MIR2052HG: variants seen among roughly 807,000 people sequenced by gnomAD.
MIR2052HG encodes the protein MIR2052 host gene.
intron 4 of MIR2052HG, among the ~76,000 whole-genome samples, chr8:74,715,211 A>G (rs946364168): frequency 6.6e-6 from 1 of 152,212 alleles, no homozygotes; most frequent in African/African-American, 2.4e-5. Context: ...AAAACTGATA[A>G]CTAAAAGTTA....
At chr8:74,699,940 A>G (rs1809341547) in intron 2 of MIR2052HG, among the ~76,000 whole-genome samples, 1 of 152,134 alleles carries the variant, frequency 6.6e-6, no homozygotes, top group Non-Finnish European at 1.5e-5. Flanking sequence ...TGTGGAATAT[A>G]TTGTGTTTGG....
intron 2 of MIR2052HG, among the ~76,000 whole-genome samples, chr8:74,652,649 G>A (rs1403699544): frequency 2.0e-5 from 3 of 152,122 alleles, no homozygotes; most frequent in Admixed American, 2.0e-4. Flanking sequence ...AGGGTTCTCT[G>A]GGGTGGGTGG....
chr8:74,662,077 A>G (rs937918843), intron 2 of MIR2052HG, among the ~76,000 whole-genome samples: 1 of 152,192 alleles, frequency 6.6e-6, no homozygotes, highest in African/African-American at 2.4e-5. Flanking sequence ...CAATTCATTC[A>G]AAGAAAAACA....
chr8:74,748,836 C>T (rs79315655), intron 4 of MIR2052HG, among the ~76,000 whole-genome samples: 46 of 152,212 alleles, frequency 3.0e-4, no homozygotes, highest in African/African-American at 1.1e-3. Flanking sequence ...TCTACCACTT[C>T]CATGACTTTC....
intron 4 of MIR2052HG, chr8:74,703,709 G>A (rs1483720041): frequency 2.3e-6 from 1 of 441,608 alleles, no homozygotes; most frequent in Non-Finnish European, 4.5e-6. Flanking sequence ...CTATGCTGTG[G>A]GATCTGGAAG....
At chr8:74,615,842 A>G (rs1337356412) in intron 2 of MIR2052HG, among the ~76,000 whole-genome samples, 1 of 151,950 alleles carries the variant, frequency 6.6e-6, no homozygotes, top group African/African-American at 2.4e-5. Flanking sequence ...ATTCTCACCT[A>G]TGAGTGAGAA....
chr8:74,616,221 T>C (rs1808279946), intron 2 of MIR2052HG, among the ~76,000 whole-genome samples: 1 of 151,876 alleles, frequency 6.6e-6, no homozygotes, highest in Non-Finnish European at 1.5e-5. Flanking sequence ...TAGTTTACAG[T>C]CCCACTAACA....
At chr8:74,752,281 CAAAAAAAAAAA>C (rs34347449) in intron 4 of MIR2052HG, among the ~76,000 whole-genome samples, 1 of 79,382 alleles carries the variant, frequency 1.3e-5, no homozygotes, top group Non-Finnish European at 2.5e-5. Flanking sequence ...GATCCTGTCT[CAAAAAAAAAAA>C]AAAAAAAAAA....
chr8:74,612,827 T>C, intron 1 of MIR2052HG: 1 of 454,540 alleles, frequency 2.2e-6, no homozygotes, highest in Non-Finnish European at 4.4e-6. Context: ...AATACGTATC[T>C]ATTAAACAAA....
intron 1 of MIR2052HG, among the ~76,000 whole-genome samples, chr8:74,602,809 C>T (rs1369467986): frequency 7.6e-6 from 1 of 130,904 alleles, no homozygotes; most frequent in African/African-American, 2.7e-5. Flanking sequence ...GCTGCCATGC[C>T]CGGCCGTGTT....
At chr8:74,600,073 G>C (rs1807968395) in intron 1 of MIR2052HG, among the ~76,000 whole-genome samples, 1 of 152,092 alleles carries the variant, frequency 6.6e-6, no homozygotes, top group Non-Finnish European at 1.5e-5. Context: ...GCAATGCCTC[G>C]CCGTGCTTCG....
chr8:74,732,972 A>C (rs928694780), intron 4 of MIR2052HG, among the ~76,000 whole-genome samples: 1 of 152,140 alleles, frequency 6.6e-6, no homozygotes, highest in Non-Finnish European at 1.5e-5. Context: ...GATGGATGTT[A>C]TCTGGTTTAG....
intron 2 of MIR2052HG, among the ~76,000 whole-genome samples, chr8:74,640,816 T>C (rs1808631736): frequency 1.3e-5 from 2 of 152,320 alleles, no homozygotes; most frequent in Non-Finnish European, 2.9e-5. Context: ...TATTTTCAGA[T>C]TGCTGCCAAA....
At chr8:74,683,121 A>G (rs1809143061) in intron 2 of MIR2052HG, among the ~76,000 whole-genome samples, 1 of 152,332 alleles carries the variant, frequency 6.6e-6, no homozygotes, top group South Asian at 2.1e-4. Context: ...GTGGTTACAT[A>G]GAAGGCTTGA....
At chr8:74,640,830 T>G (rs1808632102) in intron 2 of MIR2052HG, among the ~76,000 whole-genome samples, 1 of 152,204 alleles carries the variant, frequency 6.6e-6, no homozygotes, top group Non-Finnish European at 1.5e-5. Flanking sequence ...TGCCAAAGCT[T>G]TTGCCTTAGC....
At chr8:74,683,803 G>T (rs575284302) in intron 2 of MIR2052HG, among the ~76,000 whole-genome samples, 1 of 152,048 alleles carries the variant, frequency 6.6e-6, no homozygotes, top group Non-Finnish European at 1.5e-5. Context: ...GCTATTTCTA[G>T]CATAACTTGT....
At chr8:74,731,292 C>A (rs111392004) in intron 4 of MIR2052HG, among the ~76,000 whole-genome samples, 1 of 152,300 alleles carries the variant, frequency 6.6e-6, no homozygotes, top group Non-Finnish European at 1.5e-5. Flanking sequence ...TAAGGCCAAC[C>A]AGATACTCTG....
intron 2 of MIR2052HG, among the ~76,000 whole-genome samples, chr8:74,662,893 T>G (rs554583010): frequency 7.6e-5 from 11 of 145,336 alleles, no homozygotes; most frequent in African/African-American, 2.3e-4. Context: ...TGTGTGTGTG[T>G]GGTATAATTT....
intron 2 of MIR2052HG, among the ~76,000 whole-genome samples, chr8:74,644,142 T>C (rs1808667605): frequency 6.6e-6 from 1 of 152,218 alleles, no homozygotes; most frequent in Non-Finnish European, 1.5e-5. Context: ...CTCCTCAGTG[T>C]CTTTTCTCTC....
Sources: allele counts gnomAD v4.1 joint callset (sites outside exome capture counted in the v4.1 genomes callset), GRCh38; gene constraint gnomAD v4.1.1; transcripts MANE v1.5; gene names NCBI Gene and HGNC (gene_info 2026-07-23, HGNC 2026-07-21).